Variants in L3MBTL4 observed in about 807,000 individuals in gnomAD.
L3MBTL4 encodes L3MBTL histone methyl-lysine binding protein 4.
In L3MBTL4, 70 loss-of-function variants were observed where a neutral mutation model predicts 84.5. The observed-to-expected ratio is 0.83, with a 90% confidence interval of 0.68 to 1.01. The LOEUF (loss-of-function observed/expected upper bound fraction) is 1.01. Ranked by LOEUF, L3MBTL4 falls within the 50% of genes least tolerant of loss-of-function variation. The pLI is 0.00. For synonymous variants in L3MBTL4, 274 were observed against 259.8 expected (o/e 1.05, Z -0.52); for missense variants, 715 against 754.8 (o/e 0.95, Z 0.62).
In L3MBTL4 at chr18:6,193,361, G is replaced by A. The variant is rs536928884; in HGVS notation, c.981+19788C>T. On this transcript the variant is annotated intron_variant, in intron 12 of 18. Coordinates refer to ENST00000317931, the MANE Select transcript of L3MBTL4 (RefSeq NM_001330559.2). ...AGTGGCAAATACAGTTTGAAGACAC[G>A]AGAGTCAAACCCAGAGGGCTTTAGG... 4.6e-5 allele frequency among the ~76,000 whole-genome samples: 7 copies of A among 152,250 alleles called. No homozygotes were observed. In the South Asian group the frequency reaches 1.2e-3, roughly 27 times the overall value.
chr18:6,108,043 G>A (rs957077085), intron 14 of L3MBTL4, among the ~76,000 whole-genome samples: 2 of 152,076 alleles, frequency 1.3e-5, no homozygotes, highest in Admixed American at 6.5e-5. Context: ...CCCCATCTAC[G>A]TCACTTGCAA....
chr18:6,294,802 C>T (rs2050020294), intron 4 of L3MBTL4, among the ~76,000 whole-genome samples: 1 of 152,200 alleles, frequency 6.6e-6, no homozygotes. Flanking sequence ...CCTCTAATCA[C>T]AGATGTAGGA....
chr18:6,289,384 C>A (rs57622455), intron 4 of L3MBTL4, among the ~76,000 whole-genome samples: 2 of 151,984 alleles, frequency 1.3e-5, no homozygotes, highest in Non-Finnish European at 2.9e-5. Flanking sequence ...AAAATTACAA[C>A]AGGTTTTGAT....
rs551636595 is a variant in L3MBTL4, at chr18:6,142,584, T to TA, written c.1097-4289dup. ...AGCCAGCTTTGGAAACAGCTTTTTTTAAAAAAACAACTTTTAAACGAATCA... is the reference window on the plus strand; with the variant it reads ...AGCCAGCTTTGGAAACAGCTTTTTTTAAAAAAAACAACTTTTAAACGAATCA... On this transcript the variant is annotated intron_variant, in intron 13 of 18. Coordinates refer to ENST00000317931, the MANE Select transcript of L3MBTL4 (RefSeq NM_001330559.2). Among the ~76,000 whole-genome samples the TA allele has an allele frequency of 1.7e-4, 26 of 152,160 alleles. 1 individual carries two copies. The South Asian group carries it at 3.3e-3, about 19-fold the overall frequency.
intron 1 of L3MBTL4, among the ~76,000 whole-genome samples, chr18:6,412,723 C>T (rs2056020939): frequency 1.3e-5 from 2 of 152,064 alleles, no homozygotes; most frequent in Admixed American, 6.6e-5. Flanking sequence ...CACTTACCCA[C>T]GTGCCAAGTC....
chr18:6,343,997 G>GAAAA (rs34939798), intron 1 of L3MBTL4, among the ~76,000 whole-genome samples: 8 of 106,310 alleles, frequency 7.5e-5, no homozygotes, highest in African/African-American at 1.0e-4. Flanking sequence ...GGAGCTAGAG[G>GAAAA]AAAAAAAAAA....
intron 12 of L3MBTL4, among the ~76,000 whole-genome samples, chr18:6,212,853 CAT>C (rs1203421304): frequency 6.6e-6 from 1 of 152,212 alleles, no homozygotes; most frequent in East Asian, 1.9e-4. Flanking sequence ...CATCCAAAGA[CAT>C]GTGACTAGAA....
At chr18:6,148,495 G>A (rs898209900) in intron 13 of L3MBTL4, among the ~76,000 whole-genome samples, 3 of 152,044 alleles carry the variant, frequency 2.0e-5, no homozygotes, top group African/African-American at 4.8e-5. Context: ...CTGCTATCAC[G>A]GTTCACTGCA....
At chr18:5,988,222 G>A (rs1025581424) in intron 16 of L3MBTL4, among the ~76,000 whole-genome samples, 1 of 152,142 alleles carries the variant, frequency 6.6e-6, no homozygotes, top group African/African-American at 2.4e-5. Context: ...ACCCTCTAAA[G>A]TCATTCTTAG....
At chr18:6,029,880 C>T in intron 16 of L3MBTL4, 7 of 984,418 alleles carry the variant, frequency 7.1e-6, no homozygotes, top group Non-Finnish European at 8.4e-6. Context: ...CAGAATCTAT[C>T]CTGTAGATTC....
chr18:6,129,368 C>CTCTGTG (rs1555663722), intron 14 of L3MBTL4, among the ~76,000 whole-genome samples: 7 of 138,302 alleles, frequency 5.1e-5, no homozygotes, highest in African/African-American at 1.9e-4. Context: ...GGAATTCTCT[C>CTCTGTG]TGTGTGTGTG....
chr18:6,252,556 C>T (rs1476825345), intron 5 of L3MBTL4, among the ~76,000 whole-genome samples: 2 of 152,134 alleles, frequency 1.3e-5, no homozygotes, highest in Non-Finnish European at 2.9e-5. Context: ...GAGAGAGACC[C>T]TTTTATTTTT....
chr18:6,083,687 T>C (rs1230051387), intron 15 of L3MBTL4, among the ~76,000 whole-genome samples: 1 of 152,246 alleles, frequency 6.6e-6, no homozygotes, highest in Non-Finnish European at 1.5e-5. Context: ...ATAGCTTTTA[T>C]ATAGTCATAA....
At chr18:6,013,287 C>T (rs1158431546) in intron 16 of L3MBTL4, among the ~76,000 whole-genome samples, 1 of 152,116 alleles carries the variant, frequency 6.6e-6, no homozygotes, top group Non-Finnish European at 1.5e-5. Context: ...AAGACTCACC[C>T]GCTCCTTCTC....
intron 3 of L3MBTL4, among the ~76,000 whole-genome samples, chr18:6,307,507 C>A (rs1442548368): frequency 6.6e-6 from 1 of 151,680 alleles, no homozygotes; most frequent in Non-Finnish European, 1.5e-5. Context: ...CTGTTTGTTA[C>A]AACAGAATAA....
intron 16 of L3MBTL4, among the ~76,000 whole-genome samples, chr18:6,062,806 G>T: frequency 6.7e-6 from 1 of 149,528 alleles, no homozygotes; most frequent in Admixed American, 6.7e-5. Context: ...CTGTTATTTT[G>T]TTTTTGAATA....
rs559916507 is a variant in L3MBTL4 at position 6,188,588 on chromosome 18, C to T, written c.982-16646G>A. ...CAGAGAGATCAGCCACTTCCTCCAGCTCAGGGGCCTGTGCTGAGTTTGTAC... is the reference window on the plus strand; with the variant it reads ...CAGAGAGATCAGCCACTTCCTCCAGTTCAGGGGCCTGTGCTGAGTTTGTAC... On this transcript the variant is annotated intron_variant, in intron 12 of 18. Coordinates refer to ENST00000317931, the MANE Select transcript of L3MBTL4 (RefSeq NM_001330559.2). Among the ~76,000 whole-genome samples, 21 of 152,344 alleles carry T rather than the reference C, an allele frequency of 1.4e-4. 1 individual carries two copies. In the East Asian group the frequency reaches 4.0e-3, roughly 29 times the overall value.
At chr18:6,127,904 A>G (rs956010556) in intron 14 of L3MBTL4, among the ~76,000 whole-genome samples, 2 of 152,142 alleles carry the variant, frequency 1.3e-5, no homozygotes, top group Non-Finnish European at 2.9e-5. Context: ...GCCTCACGCC[A>G]GCTTTTTTTG....
chr18:6,107,476 T>C (rs1208714414), intron 14 of L3MBTL4, among the ~76,000 whole-genome samples: 1 of 152,172 alleles, frequency 6.6e-6, no homozygotes, highest in African/African-American at 2.4e-5. Context: ...CTGGACAGCA[T>C]GCAGGCGGTC....
Sources: gnomAD v4.1 joint callset for allele counts (sites outside exome capture counted in the v4.1 genomes callset) on GRCh38, gnomAD v4.1.1 for gene constraint, MANE v1.5 for transcripts, NCBI Gene and HGNC (gene_info 2026-07-23, HGNC 2026-07-21) for gene names.